TTC7A: variants seen among roughly 807,000 people sequenced by gnomAD.
TTC7A encodes tetratricopeptide repeat protein 7A.
In TTC7A, 110 loss-of-function variants were observed where a neutral mutation model predicts 103.7. The ratio of observed to expected loss-of-function variants is 1.06; its 90% CI spans 0.91 to 1.24. The LOEUF is 1.24. TTC7A is among the 50% of genes most tolerant of loss of function. The probability of loss-of-function intolerance (pLI) is 0.00; values close to 1 mark genes in which losing one functional copy is unlikely to be tolerated. For missense variants in TTC7A, 1,340 were observed against 1,116.3 expected (o/e 1.20, Z -2.86); for synonymous variants, 521 against 467.9 (o/e 1.11, Z -1.47).
chr2:47,006,789 A>AG, intron 10 of TTC7A, 65 bp downstream of exon 10: 1 of 1,348,218 alleles, frequency 7.4e-7, no homozygotes, highest in Non-Finnish European at 1.1e-6. Context: ...AGATGGACAG[A>AG]GGGGCTTTTC....
intron 5 of TTC7A, among the ~76,000 whole-genome samples, chr2:46,986,859 C>T (rs1415340245): frequency 6.6e-6 from 1 of 151,988 alleles, no homozygotes; most frequent in Non-Finnish European, 1.5e-5. Context: ...CGGTGGGTGG[C>T]GATTGCTGGA....
intron 15 of TTC7A, among the ~76,000 whole-genome samples, chr2:47,036,290 C>T (rs1262551413): frequency 1.3e-5 from 2 of 152,190 alleles, no homozygotes; most frequent in Non-Finnish European, 2.9e-5. Flanking sequence ...AAGGCACTAA[C>T]TTCAGGAAAC....
At chr2:46,993,658 G>A (rs1675858107) in intron 6 of TTC7A, 130 bp downstream of exon 6, 3 of 808,218 alleles carry the variant, frequency 3.7e-6, no homozygotes, top group African/African-American at 1.7e-5. Flanking sequence ...GCAGAGGTTG[G>A]TAATCAATCT....
intron 10 of TTC7A, among the ~76,000 whole-genome samples, chr2:47,009,487 C>A (rs1677782472): frequency 6.6e-6 from 1 of 152,144 alleles, no homozygotes; most frequent in Non-Finnish European, 1.5e-5. Context: ...AAGTCTGAGC[C>A]AAAGCCCAGG....
intron 6 of TTC7A, among the ~76,000 whole-genome samples, chr2:46,994,032 T>A (rs1675897231): frequency 6.6e-6 from 1 of 152,090 alleles, no homozygotes; most frequent in African/African-American, 2.4e-5. Flanking sequence ...CTCTTCCCAA[T>A]ACTGCAAGGT....
chr2:47,021,382 C>G (rs1286533285), intron 11 of TTC7A, among the ~76,000 whole-genome samples: 2 of 152,214 alleles, frequency 1.3e-5, no homozygotes, highest in Non-Finnish European at 2.9e-5. Flanking sequence ...CCAACTGGAA[C>G]AGTCCCTCCT....
At chr2:46,986,571 T>C (rs1053391153) in intron 5 of TTC7A, among the ~76,000 whole-genome samples, 7 of 151,946 alleles carry the variant, frequency 4.6e-5, no homozygotes, top group Non-Finnish European at 5.9e-5. Flanking sequence ...CCTGAAGGTG[T>C]CTGAGGAGCA....
At chr2:46,946,765 G>A (rs75270990) in intron 1 of TTC7A, among the ~76,000 whole-genome samples, 2,857 of 152,210 alleles carry the variant, frequency 0.019, 86 homozygotes, top group African/African-American at 0.064. Context: ...TTCTAATTCC[G>A]AAACATCCTT....
In TTC7A at chr2:47,075,320, T is replaced by C. The variant is rs1197385617; in HGVS notation, c.*1397T>C. ...AAATATAGTTTTTTATCTATATATATAAAATAGAGATCTATTTTTTTTCTG... is the reference window on the plus strand; with the variant it reads ...AAATATAGTTTTTTATCTATATATACAAAATAGAGATCTATTTTTTTTCTG... On this transcript the variant is annotated 3_prime_UTR_variant, in exon 20 of 20. Coordinates refer to ENST00000319190, the MANE Select transcript of TTC7A (RefSeq NM_020458.4). 1 of 152,214 alleles carries C rather than the reference T, an allele frequency of 6.6e-6. No homozygotes were observed. The highest frequency in any genetic ancestry group is 1.5e-5 in the Non-Finnish European group (1 of 68,036). The allele number at this position is 152,214 out of a possible 1,614,324, so 9.4% of individuals were successfully genotyped here.
At chr2:47,058,527 A>G (rs539819195) in intron 18 of TTC7A, among the ~76,000 whole-genome samples, 11 of 152,234 alleles carry the variant, frequency 7.2e-5, no homozygotes, top group Admixed American at 2.0e-4. Flanking sequence ...TCTGTTCTCT[A>G]TCCCACCCCA....
Position 46,978,908 on chromosome 2 carries a change from G to A in TTC7A, c.764+1G>A, listed in dbSNP as rs756396993. 2 of 1,609,738 alleles carry A rather than the reference G, an allele frequency of 1.2e-6. No homozygotes were observed. Among genetic ancestry groups the A allele is most frequent in the Non-Finnish European group, 8.5e-7 (1 of 1,176,050 alleles). ...CCTATGTGAAAAACCTGAAGAAGGG[G>A]TAGGTCACTGGTAGTTGAGTGAGTG... On this transcript the variant is annotated splice_donor_variant, in intron 5 of 19. Coordinates refer to ENST00000319190, the MANE Select transcript of TTC7A (RefSeq NM_020458.4). LOFTEE classifies it high-confidence loss of function.
At chr2:47,014,634 GACAGGGC>G (rs1262307440) in intron 11 of TTC7A, among the ~76,000 whole-genome samples, 2 of 152,166 alleles carry the variant, frequency 1.3e-5, no homozygotes, top group Non-Finnish European at 2.9e-5. Context: ...TCGTGCATGA[GACAGGGC>G]ACAGATCCCA....
At chr2:47,030,458 T>C (rs1680410517) in intron 15 of TTC7A, among the ~76,000 whole-genome samples, 1 of 152,204 alleles carries the variant, frequency 6.6e-6, no homozygotes, top group South Asian at 2.1e-4. Flanking sequence ...CAGCACATAG[T>C]TCTGCTTGTG....
At chr2:47,072,981 G>C (rs1036681535) in intron 19 of TTC7A, among the ~76,000 whole-genome samples, 1 of 152,140 alleles carries the variant, frequency 6.6e-6, no homozygotes, top group African/African-American at 2.4e-5. Flanking sequence ...GAGCCAAACA[G>C]CAGGGCCAAG....
At position 46,953,811 on chromosome 2, in the gene TTC7A, C is replaced by G. The variant is rs1352168950; in HGVS notation, c.349-3028C>G. On this transcript the variant is annotated intron_variant, in intron 2 of 19. Transcript: ENST00000319190. ...CTATTAGCCCCATTTCTTTTTCTTT[C>G]TTTCTTTCTTTTTTTTTTTTTTCAA... Among the ~76,000 whole-genome samples the G allele has an allele frequency of 2.0e-5, 3 of 151,302 alleles. No individual in the cohort carries two copies. In the East Asian group the frequency reaches 5.9e-4, roughly 30 times the overall value.
chr2:47,014,914 G>A (rs900373927), intron 11 of TTC7A, among the ~76,000 whole-genome samples: 3 of 152,260 alleles, frequency 2.0e-5, no homozygotes, highest in African/African-American at 7.2e-5. Context: ...AGCCACTGTT[G>A]GACACCCCAT....
intron 19 of TTC7A, chr2:47,065,666 G>A (rs12465751): frequency 0.71 from 107,414 of 152,104 alleles, 39,778 homozygotes; most frequent in East Asian, 0.88. Context: ...GCTCAAAACA[G>A]TCCTTACGCC....
chr2:46,930,864 A>C (rs1179341059), intron 2 of TTC7A, among the ~76,000 whole-genome samples: 2 of 152,218 alleles, frequency 1.3e-5, no homozygotes, highest in African/African-American at 4.8e-5. Flanking sequence ...AAATAGCTGA[A>C]TGGAAAAATA....
At chr2:47,008,252 C>T (rs1677639185) in intron 10 of TTC7A, among the ~76,000 whole-genome samples, 2 of 152,152 alleles carry the variant, frequency 1.3e-5, no homozygotes, top group South Asian at 4.1e-4. Context: ...TTCTGTGGGT[C>T]CTGGACTCCT....
Sources: gnomAD v4.1 joint callset for allele counts (sites outside exome capture counted in the v4.1 genomes callset) on GRCh38, gnomAD v4.1.1 for gene constraint, MANE v1.5 for transcripts, NCBI Gene and HGNC (gene_info 2026-07-23, HGNC 2026-07-21) for gene names.